Variants in PRLR observed in about 807,000 individuals in gnomAD.
PRLR encodes the protein prolactin receptor, also known as hPRL receptor.
PRLR carries 13 observed loss-of-function variants against 40.2 expected under a neutral mutation model. The ratio of observed to expected loss-of-function variants is 0.32; its 90% CI spans 0.21 to 0.51. PRLR has a LOEUF of 0.51. PRLR is among the 20% of genes least tolerant of loss of function. PRLR has a pLI of 0.97. For synonymous variants in PRLR, 269 were observed against 278.7 expected, an observed-to-expected ratio of 0.97 and a Z score of 0.35; for missense variants, 656 against 747.3, an observed-to-expected ratio of 0.88 and a Z score of 1.42.
chr5:35,133,337 C>T (rs1477879695), intron 1 of PRLR, among the ~76,000 whole-genome samples: 1 of 152,058 alleles, frequency 6.6e-6, no homozygotes, highest in Non-Finnish European at 1.5e-5. Flanking sequence ...TATATATATC[C>T]CATTGGTTCT....
intron 2 of PRLR, among the ~76,000 whole-genome samples, chr5:35,091,059 G>A (rs1771179542): frequency 6.6e-6 from 1 of 151,990 alleles, no homozygotes; most frequent in African/African-American, 2.4e-5. Flanking sequence ...TGATCCACCT[G>A]CCTCGGCCTC....
chr5:35,228,239 A>G lies in PRLR; in HGVS notation c.-106+2029T>C, dbSNP rs893247138. The stretch of plus-strand genomic sequence containing the variant: ...ATTCTCCCAACAACCATGCAAAAAA[A>G]AAAAAAAAAAAAAAGCAGCATTATT... On this transcript the variant is annotated intron_variant, in intron 1 of 9. Transcript: ENST00000618457. Among the ~76,000 whole-genome samples the G allele has an allele frequency of 1.8e-3, 241 of 132,190 alleles. 1 individual carries two copies. Among genetic ancestry groups the G allele is most frequent in the African/African-American group, 4.8e-3 (187 of 38,782 alleles). 86.7% of individuals were successfully genotyped at this position (132,190 alleles called of 152,430 possible). A position where few individuals can be genotyped will look rare whatever the true frequency, so the allele number is the denominator to read the frequency against.
intron 5 of PRLR, among the ~76,000 whole-genome samples, chr5:35,079,236 G>C (rs923080596): frequency 1.3e-5 from 2 of 152,052 alleles, no homozygotes; most frequent in African/African-American, 4.8e-5. Context: ...AGAAATAAAG[G>C]GTATTCAATT....
At chr5:35,117,537 A>T (rs1418181750) in intron 2 of PRLR, among the ~76,000 whole-genome samples, 1 of 152,152 alleles carries the variant, frequency 6.6e-6, no homozygotes, top group East Asian at 1.9e-4. Flanking sequence ...CTGGCAGCCT[A>T]GGGTTTCCTT....
At chr5:35,180,058 G>A (rs375749757) in intron 1 of PRLR, among the ~76,000 whole-genome samples, 9 of 152,174 alleles carry the variant, frequency 5.9e-5, no homozygotes, top group East Asian at 5.8e-4. Flanking sequence ...GACAATGACC[G>A]ATCACCACGC....
chr5:35,049,997 T>C (rs192192104), intron 8 of PRLR, among the ~76,000 whole-genome samples: 4,921 of 144,938 alleles, frequency 0.034, 281 homozygotes, highest in African/African-American at 0.12. Flanking sequence ...AACCTCCGCC[T>C]CCCAGGTTCA....
chr5:35,190,660 T>C lies in PRLR; in HGVS notation c.-106+39608A>G, dbSNP rs568513562. 6.8e-4 allele frequency among the ~76,000 whole-genome samples: 103 copies of C among 152,332 alleles called. 2 individuals are homozygous for C. The highest frequency in any genetic ancestry group is 1.3e-3 in the Admixed American group (20 of 15,304). On this transcript the variant is annotated intron_variant, in intron 1 of 9. Transcript: ENST00000618457. ...CTTTGGCCTAAGCAATCAGTTGCTT[T>C]TTCGTTGAAACAATTTTTAATTTCA...
At chr5:35,145,646 G>T (rs4288098) in intron 1 of PRLR, among the ~76,000 whole-genome samples, 1 of 152,110 alleles carries the variant, frequency 6.6e-6, no homozygotes, top group East Asian at 1.9e-4. Flanking sequence ...TGCTTTGCCC[G>T]CATGAGAATT....
In PRLR at chr5:35,065,994, C is replaced by T. The variant is rs1324032748; in HGVS notation, c.964G>A (p.Asp322Asn). Residue 322 changes from aspartate to asparagine, a missense_variant, in exon 10 of 10, where the codon GAC becomes AAC. Coordinates refer to ENST00000618457, the MANE Select transcript of PRLR (RefSeq NM_000949.7). Reference sequence around the variant, plus strand: ...GAATGGACTGACATTAGATGCTGGTCCTCACTATCATCTACTTCTAAATAC... The same window carrying T: ...GAATGGACTGACATTAGATGCTGGTTCTCACTATCATCTACTTCTAAATAC... ...VEYLEVDDSE[D>N]QHLMSVHSKE... The T allele has an allele frequency of 6.2e-7, 1 of 1,614,102 alleles. No individual in the cohort carries two copies. Among genetic ancestry groups the T allele is most frequent in the African/African-American group, 1.3e-5 (1 of 75,034 alleles).
chr5:35,089,475 G>A lies in PRLR; in HGVS notation c.70+76C>T, dbSNP rs56950517. On this transcript the variant is annotated intron_variant, in intron 3 of 9. Transcript: ENST00000618457. The stretch of plus-strand genomic sequence containing the variant: ...TTCATTTTTCATAATGGCATTGCAA[G>A]AAGACTGCATGGACTCTCCACCCTG... 5.1e-3 allele frequency: 4,934 copies of A among 975,810 alleles called. 140 individuals carry two copies. In the African/African-American group the frequency reaches 0.07, roughly 14 times the overall value. 60.4% of individuals were successfully genotyped at this position (975,810 alleles called of 1,614,324 possible). A position where few individuals can be genotyped will look rare whatever the true frequency, so the allele number is the denominator to read the frequency against.
chr5:35,081,956 G>T, intron 5 of PRLR: 1 of 195,918 alleles, frequency 5.1e-6, no homozygotes, highest in Admixed American at 4.9e-5. Flanking sequence ...TTAGGCTGCA[G>T]CAACAGGGTG....
At chr5:35,176,809 G>A (rs1382397184) in intron 1 of PRLR, among the ~76,000 whole-genome samples, 1 of 152,176 alleles carries the variant, frequency 6.6e-6, no homozygotes, top group Admixed American at 6.5e-5. Flanking sequence ...ACCCGTAAAG[G>A]GTCTGTGCTG....
chr5:35,180,987 G>C (rs34212252), intron 1 of PRLR, among the ~76,000 whole-genome samples: 20,275 of 152,134 alleles, frequency 0.13, 1,573 homozygotes, highest in African/African-American at 0.21. Flanking sequence ...ATTCAAGATT[G>C]AAAGTGTTTT....
chr5:35,159,510 A>G (rs1314339380), intron 1 of PRLR, among the ~76,000 whole-genome samples: 1 of 152,114 alleles, frequency 6.6e-6, no homozygotes, highest in Non-Finnish European at 1.5e-5. Flanking sequence ...GCGGGACAGA[A>G]AGTCCTTGAA....
intron 1 of PRLR, among the ~76,000 whole-genome samples, chr5:35,199,902 G>A (rs1356362892): frequency 6.6e-6 from 1 of 152,168 alleles, no homozygotes; most frequent in Non-Finnish European, 1.5e-5. Context: ...AAAATGCTCT[G>A]ATAAACTGTC....
At chr5:35,098,214 T>A (rs1020143795) in intron 2 of PRLR, among the ~76,000 whole-genome samples, 10 of 152,220 alleles carry the variant, frequency 6.6e-5, no homozygotes, top group African/African-American at 2.2e-4. Flanking sequence ...AACCTGAAGC[T>A]TAAATGCAAC....
rs538961412 is a variant in PRLR at position 35,060,428 on chromosome 5, C to T, written c.*4661G>A. 3.9e-5 allele frequency: 6 copies of T among 152,346 alleles called. No individual in the cohort carries two copies. The highest frequency in any genetic ancestry group is 1.4e-4 in the African/African-American group (6 of 41,582). The allele number at this position is 152,346 out of a possible 1,614,324, so 9.4% of individuals were successfully genotyped here. A position where few individuals can be genotyped will look rare whatever the true frequency, so the allele number is the denominator to read the frequency against. On this transcript the variant is annotated 3_prime_UTR_variant, in exon 10 of 10. Transcript: ENST00000618457. ...GTCACACAATCTCATGTGCTCACTG[C>T]TTCAGGCCAAGGGTGTGTCAGCAAG...
At chr5:35,080,741 A>G (rs1158818854) in intron 5 of PRLR, among the ~76,000 whole-genome samples, 3 of 152,112 alleles carry the variant, frequency 2.0e-5, no homozygotes, top group Non-Finnish European at 4.4e-5. Flanking sequence ...ACACATGCAC[A>G]CATATGTTTA....
At chr5:35,113,828 A>G (rs547420969) in intron 2 of PRLR, among the ~76,000 whole-genome samples, 9 of 152,344 alleles carry the variant, frequency 5.9e-5, no homozygotes, top group African/African-American at 2.2e-4. Context: ...CTTCGGGAGA[A>G]GGAGGAGTAG....
Sources: gnomAD v4.1 joint callset for allele counts (sites outside exome capture counted in the v4.1 genomes callset) on GRCh38, gnomAD v4.1.1 for gene constraint, MANE v1.5 for transcripts, NCBI Gene and HGNC (gene_info 2026-07-23, HGNC 2026-07-21) for gene names.